PLEKHA5: variants seen among roughly 807,000 people sequenced by gnomAD.
PLEKHA5 encodes pleckstrin homology domain containing A5.
Under a neutral mutation model 181.9 loss-of-function variants are expected in PLEKHA5, and 55 were observed. The observed-to-expected ratio is 0.30, with a 90% CI of 0.24 to 0.38. The LOEUF is 0.38. Ranked by LOEUF, PLEKHA5 falls within the 10% of genes least tolerant of loss-of-function variation. The probability of loss-of-function intolerance (pLI) is 1.00; values close to 1 mark genes in which losing one functional copy is unlikely to be tolerated. For synonymous variants in PLEKHA5, 535 were observed against 529.4 expected (o/e 1.01, Z -0.15); for missense variants, 1,432 against 1,549.5 (o/e 0.92, Z 1.27).
intron 15 of PLEKHA5, among the ~76,000 whole-genome samples, chr12:19,309,548 G>C (rs979713934): frequency 6.6e-6 from 1 of 152,040 alleles, no homozygotes; most frequent in African/African-American, 2.4e-5. Flanking sequence ...CTGAGGTCAG[G>C]TGATCGAGAT....
At chr12:19,348,151 G>A (rs1446679069) in intron 24 of PLEKHA5, among the ~76,000 whole-genome samples, 9 of 152,042 alleles carry the variant, frequency 5.9e-5, no homozygotes, top group Admixed American at 3.9e-4. Context: ...CCAAAGTGCT[G>A]AGATTACAGG....
intron 31 of PLEKHA5, chr12:19,372,240 C>G (rs1164307641): frequency 6.6e-6 from 1 of 152,190 alleles, no homozygotes; most frequent in Non-Finnish European, 1.5e-5. Flanking sequence ...ACCTCATGAT[C>G]CGCCCACCTC....
chr12:19,221,638 G>A (rs1373940180), intron 3 of PLEKHA5, among the ~76,000 whole-genome samples: 2 of 152,136 alleles, frequency 1.3e-5, no homozygotes, highest in African/African-American at 2.4e-5. Flanking sequence ...CCTTGGGGAT[G>A]TCAAAGGAGA....
chr12:19,189,611 T>A (rs1209463494), intron 3 of PLEKHA5, among the ~76,000 whole-genome samples: 2 of 152,080 alleles, frequency 1.3e-5, no homozygotes, highest in Non-Finnish European at 2.9e-5. Flanking sequence ...TTGAGATGGT[T>A]GTGGGAAAGC....
At chr12:19,326,007 C>CA (rs1406608385) in intron 20 of PLEKHA5, among the ~76,000 whole-genome samples, 1 of 151,176 alleles carries the variant, frequency 6.6e-6, no homozygotes, top group Non-Finnish European at 1.5e-5. Flanking sequence ...AACTCTGTCT[C>CA]AAAAAAATAA....
chr12:19,132,242 G>A, intron 2 of PLEKHA5, 151 bp from the exon 3 acceptor site: 1 of 588,606 alleles, frequency 1.7e-6, no homozygotes. Context: ...TTCAAAAAAT[G>A]ATATCTGTTG....
At chr12:19,270,276 T>C (rs906899042) in intron 10 of PLEKHA5, 71 bp downstream of exon 10, 2 of 804,748 alleles carry the variant, frequency 2.5e-6, no homozygotes, top group African/African-American at 3.5e-5. Context: ...TTTTTAAGAT[T>C]CTAAATCTTA....
chr12:19,277,339 A>G (rs186287417), intron 11 of PLEKHA5, among the ~76,000 whole-genome samples: 64 of 152,304 alleles, frequency 4.2e-4, no homozygotes, highest in African/African-American at 1.5e-3. Context: ...GAGAGAGTCA[A>G]CAGATATCTG....
At chr12:19,349,671 C>T (rs1415781606) in intron 25 of PLEKHA5, among the ~76,000 whole-genome samples, 1 of 150,938 alleles carries the variant, frequency 6.6e-6, no homozygotes, top group Non-Finnish European at 1.5e-5. Context: ...CTTCAGGAGG[C>T]CGAGGTGGGC....
chr12:19,219,142 C>T (rs2058534027), intron 3 of PLEKHA5, among the ~76,000 whole-genome samples: 1 of 151,944 alleles, frequency 6.6e-6, no homozygotes, highest in Non-Finnish European at 1.5e-5. Context: ...GATGCAAAAT[C>T]TGCATATACT....
At position 19,253,064 on chromosome 12, in the gene PLEKHA5, CTT is replaced by C. The variant is rs35536570; in HGVS notation, c.228-851_228-850del. Among the ~76,000 whole-genome samples, 305 of 45,856 alleles carry C rather than the reference CTT, an allele frequency of 6.7e-3. 1 individual carries two copies. Among genetic ancestry groups the C allele is most frequent in the African/African-American group, 0.017 (259 of 15,520 alleles). 30.1% of individuals were successfully genotyped at this position (45,856 alleles called of 152,430 possible). On this transcript the variant is annotated intron_variant, in intron 3 of 31. Coordinates refer to ENST00000429027, the MANE Select transcript of PLEKHA5 (RefSeq NM_001256470.2). ...GAGCTAAACAGCCAAATCAACTTAC[CTT>C]TTTTTTTTTTTTTTTTTTTTTTTTG...
At chr12:19,265,115 C>T (rs966923296) in intron 7 of PLEKHA5, among the ~76,000 whole-genome samples, 2 of 152,086 alleles carry the variant, frequency 1.3e-5, no homozygotes, top group Non-Finnish European at 2.9e-5. Flanking sequence ...TTTTAAAAAG[C>T]GTATAATTTA....
In PLEKHA5 at chr12:19,216,377, T is replaced by C. The variant is rs142068298; in HGVS notation, c.228-37563T>C. On this transcript the variant is annotated intron_variant, in intron 3 of 31. Transcript: ENST00000429027. ...TGATCCTTCTAGTGGTTAAATGTTC[T>C]GTTGGCCGGGCACAGTGGCTCATGC... Among the ~76,000 whole-genome samples the C allele has an allele frequency of 1.7e-3, 261 of 152,238 alleles. 3 individuals are homozygous for C. In the East Asian group the frequency reaches 0.027, roughly 16 times the overall value.
intron 3 of PLEKHA5, among the ~76,000 whole-genome samples, chr12:19,217,551 G>A (rs2058181973): frequency 3.9e-5 from 6 of 152,188 alleles, no homozygotes; most frequent in Admixed American, 3.9e-4. Context: ...TGTTCAACAG[G>A]TATGAATAAA....
chr12:19,319,980 CT>C (rs1166752181), intron 16 of PLEKHA5, 40 bp from the exon 17 acceptor site: 11 of 1,290,306 alleles, frequency 8.5e-6, no homozygotes, highest in African/African-American at 1.5e-5. Context: ...TGATTTTCCT[CT>C]TTTCAATTAA....
intron 15 of PLEKHA5, chr12:19,303,440 G>A (rs1022661556): frequency 1.3e-5 from 2 of 152,104 alleles, no homozygotes; most frequent in African/African-American, 4.8e-5. Flanking sequence ...AATTTCTCCA[G>A]AGATAGATTT....
chr12:19,332,581 T>G (rs747074859), intron 20 of PLEKHA5, among the ~76,000 whole-genome samples: 11 of 152,170 alleles, frequency 7.2e-5, no homozygotes, highest in African/African-American at 1.4e-4. Flanking sequence ...CCTCCAACTC[T>G]TAGCCTCAAG....
rs748623013 is a variant in PLEKHA5, at chr12:19,358,187, G to A, written c.3139-41G>A. The A allele has an allele frequency of 8.9e-6, 12 of 1,345,152 alleles. No homozygotes were observed. In the South Asian group the frequency reaches 1.4e-4, roughly 15 times the overall value. 83.3% of individuals were successfully genotyped at this position (1,345,152 alleles called of 1,614,324 possible). A position where few individuals can be genotyped will look rare whatever the true frequency, so the allele number is the denominator to read the frequency against. On this transcript the variant is annotated intron_variant, in intron 26 of 31. Coordinates refer to ENST00000429027, the MANE Select transcript of PLEKHA5 (RefSeq NM_001256470.2). ...TTTTATTCCATCATACTTTTCAGAA[G>A]TTTTCATTTATGTATTGATATGTTC...
At chr12:19,139,745 G>A (rs1184488637) in intron 3 of PLEKHA5, among the ~76,000 whole-genome samples, 17 of 152,182 alleles carry the variant, frequency 1.1e-4, no homozygotes. Flanking sequence ...TGCTGGGAGA[G>A]GCATTTCTCA....
Sources: allele counts gnomAD v4.1 joint callset (sites outside exome capture counted in the v4.1 genomes callset), GRCh38; gene constraint gnomAD v4.1.1; transcripts MANE v1.5; gene names NCBI Gene and HGNC (gene_info 2026-07-23, HGNC 2026-07-21).